Variants in PCDH9 observed in about 807,000 individuals in gnomAD.
The protein encoded by PCDH9 is protocadherin 9.
A neutral mutation model predicts 70.6 loss-of-function variants in PCDH9; 24 were observed. That is an observed-to-expected ratio of 0.34 (90% CI 0.25 to 0.48). The LOEUF is 0.48. Ranked by LOEUF, PCDH9 falls within the 20% of genes least tolerant of loss-of-function variation. The pLI is 0.99. For synonymous variants in PCDH9, 562 were observed against 558.5 expected (o/e 1.01, Z -0.09); for missense variants, 1,281 against 1,503.6 (o/e 0.85, Z 2.45).
intron 2 of PCDH9, among the ~76,000 whole-genome samples, chr13:67,145,786 A>G (rs2087509213): frequency 6.6e-6 from 1 of 152,050 alleles, no homozygotes; most frequent in Admixed American, 6.6e-5. Context: ...AAAATATACT[A>G]GTATAATGAA....
intron 3 of PCDH9, among the ~76,000 whole-genome samples, chr13:66,735,272 A>G (rs2079131228): frequency 6.6e-6 from 1 of 152,216 alleles, no homozygotes. Flanking sequence ...TTAACTATCA[A>G]ACACTTGCAA....
intron 4 of PCDH9, among the ~76,000 whole-genome samples, chr13:66,506,103 C>A (rs979584563): frequency 6.6e-6 from 1 of 152,148 alleles, no homozygotes; most frequent in Non-Finnish European, 1.5e-5. Context: ...TCTCTTTAGA[C>A]TATGTGATTC....
At chr13:66,710,375 CTT>C (rs1047612738) in intron 3 of PCDH9, among the ~76,000 whole-genome samples, 1 of 152,074 alleles carries the variant, frequency 6.6e-6, no homozygotes, top group Non-Finnish European at 1.5e-5. Flanking sequence ...AACCTTTAAA[CTT>C]TTAAAAGAAA....
At chr13:66,377,968 T>G (rs1956779230) in intron 4 of PCDH9, among the ~76,000 whole-genome samples, 1 of 152,178 alleles carries the variant, frequency 6.6e-6, no homozygotes, top group South Asian at 2.1e-4. Context: ...CAGTAATAGT[T>G]CCAATTCTGT....
chr13:66,738,378 C>G (rs1225191224), intron 3 of PCDH9, among the ~76,000 whole-genome samples: 1 of 151,806 alleles, frequency 6.6e-6, no homozygotes, highest in African/African-American at 2.4e-5. Context: ...TAGATAAAAC[C>G]ACAAAGATGG....
At chr13:66,702,666 C>A (rs2078662215) in intron 3 of PCDH9, among the ~76,000 whole-genome samples, 1 of 152,064 alleles carries the variant, frequency 6.6e-6, no homozygotes, top group East Asian at 1.9e-4. Context: ...ATCACTTCAT[C>A]ATGTATATGT....
At chr13:67,193,551 CTAGAGT>C (rs1400131513) in intron 2 of PCDH9, among the ~76,000 whole-genome samples, 1 of 152,074 alleles carries the variant, frequency 6.6e-6, no homozygotes, top group Non-Finnish European at 1.5e-5. Context: ...TGAATTTCAA[CTAGAGT>C]ACCTATCTGT....
chr13:66,801,624 C>T (rs1018957986), intron 3 of PCDH9, among the ~76,000 whole-genome samples: 5 of 151,972 alleles, frequency 3.3e-5, no homozygotes, highest in Non-Finnish European at 5.9e-5. Context: ...CTTTCAAAAT[C>T]AAGCAGAACT....
intron 4 of PCDH9, among the ~76,000 whole-genome samples, chr13:66,405,437 A>T (rs1485344254): frequency 6.6e-6 from 1 of 152,210 alleles, no homozygotes; most frequent in Non-Finnish European, 1.5e-5. Flanking sequence ...TTTCCTTCTA[A>T]ATACATAGGT....
intron 3 of PCDH9, among the ~76,000 whole-genome samples, chr13:66,728,802 TAAAG>T (rs2079036823): frequency 7.9e-5 from 12 of 152,114 alleles, no homozygotes; most frequent in Admixed American, 5.9e-4. Context: ...TTCTTTTTGA[TAAAG>T]GTCCTTGATA....
intron 3 of PCDH9, among the ~76,000 whole-genome samples, chr13:66,659,536 T>C (rs1193826477): frequency 7.0e-6 from 1 of 143,640 alleles, no homozygotes; most frequent in African/African-American, 2.7e-5. Context: ...ACTTAAGTTA[T>C]GTTTGTGTGT....
intron 2 of PCDH9, among the ~76,000 whole-genome samples, chr13:67,064,038 A>G (rs1325012972): frequency 1.3e-5 from 2 of 152,114 alleles, no homozygotes; most frequent in Non-Finnish European, 2.9e-5. Flanking sequence ...TTGCTTGGAT[A>G]GTTCTCCTGG....
intron 2 of PCDH9, among the ~76,000 whole-genome samples, chr13:67,091,804 T>C (rs1205541469): frequency 6.6e-6 from 1 of 152,170 alleles, no homozygotes; most frequent in African/African-American, 2.4e-5. Context: ...CATAGACACT[T>C]ACAATTTCCT....
chr13:66,843,355 T>TACACAC (rs10580677), intron 3 of PCDH9, among the ~76,000 whole-genome samples: 2 of 151,244 alleles, frequency 1.3e-5, no homozygotes, highest in African/African-American at 4.9e-5. Flanking sequence ...TGCACATACA[T>TACACAC]ACACACACAC....
intron 2 of PCDH9, among the ~76,000 whole-genome samples, chr13:67,194,052 A>C (rs2088991719): frequency 6.6e-6 from 1 of 152,142 alleles, no homozygotes; most frequent in Non-Finnish European, 1.5e-5. Context: ...AGCTGATTGG[A>C]CAGAAGACTA....
rs1955414246 is a variant in PCDH9 at position 66,303,933 on chromosome 13, T to C, written c.*722A>G. 1 of 152,088 alleles carries C rather than the reference T, an allele frequency of 6.6e-6. No homozygotes were observed. Among genetic ancestry groups the C allele is most frequent in the South Asian group, 2.1e-4 (1 of 4,830 alleles). 9.4% of individuals were successfully genotyped at this position (152,088 alleles called of 1,614,324 possible). A position where few individuals can be genotyped will look rare whatever the true frequency, so the allele number is the denominator to read the frequency against. Reference sequence around the variant, plus strand: ...CTTTTTTAAACACAAGTGCTTGAGATTGTTTGAACAATGTGTGTCAAGACA... The same window carrying C: ...CTTTTTTAAACACAAGTGCTTGAGACTGTTTGAACAATGTGTGTCAAGACA... On this transcript the variant is annotated 3_prime_UTR_variant, in exon 5 of 5. Transcript: ENST00000377865.
At chr13:66,311,354 T>TTC (rs540737424) in intron 4 of PCDH9, among the ~76,000 whole-genome samples, 15 of 123,050 alleles carry the variant, frequency 1.2e-4, no homozygotes, top group African/African-American at 2.8e-4. Flanking sequence ...CTCTCTCTCT[T>TTC]TCTCTCTCTC....
intron 4 of PCDH9, among the ~76,000 whole-genome samples, chr13:66,370,744 G>C (rs1188037824): frequency 6.6e-6 from 1 of 151,764 alleles, no homozygotes; most frequent in Admixed American, 6.6e-5. Context: ...AAACTCCTGG[G>C]CTCAAACAAT....
intron 3 of PCDH9, among the ~76,000 whole-genome samples, chr13:66,768,077 A>G (rs1484109559): frequency 6.6e-6 from 1 of 151,684 alleles, no homozygotes; most frequent in East Asian, 1.9e-4. Context: ...AAATGCTCTC[A>G]GCCAAAAAAA....
Sources: allele counts gnomAD v4.1 joint callset (sites outside exome capture counted in the v4.1 genomes callset), GRCh38; gene constraint gnomAD v4.1.1; transcripts MANE v1.5; gene names NCBI Gene and HGNC (gene_info 2026-07-23, HGNC 2026-07-21).